The following ZNF804B variants were observed in gnomAD, a reference collection of about 807,000 sequenced individuals.
The protein encoded by ZNF804B is zinc finger 804B.
ZNF804B carries 80 observed loss-of-function variants against 101.4 expected under a neutral mutation model. The ratio of observed to expected loss-of-function variants is 0.79; its 90% CI spans 0.66 to 0.95. The LOEUF is 0.95. Among genes scored for constraint, ZNF804B ranks in the 40% least tolerant of loss-of-function variants. The probability of loss-of-function intolerance (pLI) is 0.00; values close to 1 mark genes in which losing one functional copy is unlikely to be tolerated. For missense variants in ZNF804B, 1,673 were observed against 1,561.9 expected, an observed-to-expected ratio of 1.07 and a Z score of -1.20; for synonymous variants, 622 against 558.8, an observed-to-expected ratio of 1.11 and a Z score of -1.59.
intron 1 of ZNF804B, among the ~76,000 whole-genome samples, chr7:88,834,725 C>T (rs1296040964): frequency 6.6e-6 from 1 of 151,454 alleles, no homozygotes; most frequent in Non-Finnish European, 1.5e-5. Context: ...TTAAGTTGAA[C>T]GATGCTATAT....
rs1791033662 is a variant in ZNF804B at position 89,334,153 on chromosome 7, G to A, written c.1171G>A (p.Glu391Lys). ...ATGCCTGGATGAGTTTTCATCACTGGAGCCAAGTGAACAAAAGAGTACAGT... is the reference window on the plus strand; with the variant it reads ...ATGCCTGGATGAGTTTTCATCACTGAAGCCAAGTGAACAAAAGAGTACAGT... ...SECLDEFSSL[E>K]PSEQKSTVHL... Residue 391 changes from glutamate (E) to lysine (K), a missense_variant, in exon 4 of 4, where the codon GAG (glutamate) becomes AAG (lysine). Coordinates refer to ENST00000333190, the MANE Select transcript of ZNF804B (RefSeq NM_181646.5). The A allele has an allele frequency of 6.2e-7, 1 of 1,613,560 alleles. No homozygotes were observed. Among genetic ancestry groups the A allele is most frequent in the Non-Finnish European group, 8.5e-7 (1 of 1,179,822 alleles).
At chr7:88,923,773 G>A (rs1334185442) in intron 1 of ZNF804B, among the ~76,000 whole-genome samples, 1 of 151,970 alleles carries the variant, frequency 6.6e-6, no homozygotes, top group Non-Finnish European at 1.5e-5. Flanking sequence ...ATAGAAATAT[G>A]TATAGACATA....
rs146476938 is a variant in ZNF804B, at chr7:89,060,871, C to T, written c.109-157284C>T. On this transcript the variant is annotated intron_variant, in intron 1 of 3. Transcript: ENST00000333190. ...ATGAAAAGATGTCTTTTTTGTACAT[C>T]GGCATTTGTGAAATACATTTCTTGA... is the stretch of plus-strand genomic sequence containing the variant. Among the ~76,000 whole-genome samples, 260 of 152,142 alleles carry T rather than the reference C, an allele frequency of 1.7e-3. 1 individual carries two copies. The highest frequency in any genetic ancestry group is 3.0e-3 in the Non-Finnish European group (203 of 67,968).
chr7:89,152,486 G>A (rs1790893910), intron 1 of ZNF804B, among the ~76,000 whole-genome samples: 2 of 151,860 alleles, frequency 1.3e-5, no homozygotes, highest in African/African-American at 4.8e-5. Context: ...GTGTATGAAT[G>A]TGTCCCATTT....
At chr7:88,989,481 C>A (rs545122506) in intron 1 of ZNF804B, among the ~76,000 whole-genome samples, 8 of 152,198 alleles carry the variant, frequency 5.3e-5, no homozygotes, top group Admixed American at 1.3e-4. Context: ...AAGCTAATCT[C>A]CTATTTCTCT....
intron 2 of ZNF804B, among the ~76,000 whole-genome samples, chr7:89,314,658 A>G (rs1384515135): frequency 6.6e-6 from 1 of 152,246 alleles, no homozygotes; most frequent in Non-Finnish European, 1.5e-5. Context: ...AGACACTGAT[A>G]GTTTGCTAAG....
At chr7:88,851,257 T>C (rs1791447266) in intron 1 of ZNF804B, among the ~76,000 whole-genome samples, 1 of 152,062 alleles carries the variant, frequency 6.6e-6, no homozygotes, top group African/African-American at 2.4e-5. Context: ...CTCAATTTTA[T>C]AAAAGCTATA....
chr7:88,923,156 G>C (rs1237317636), intron 1 of ZNF804B, among the ~76,000 whole-genome samples: 1 of 152,020 alleles, frequency 6.6e-6, no homozygotes, highest in Non-Finnish European at 1.5e-5. Context: ...CATTGTGTGT[G>C]ACGTGAGCTG....
intron 1 of ZNF804B, among the ~76,000 whole-genome samples, chr7:89,130,969 G>C (rs886987265): frequency 3.3e-5 from 5 of 151,862 alleles, no homozygotes; most frequent in African/African-American, 4.8e-5. Context: ...TGTAAAACTG[G>C]AATATAGCTT....
At chr7:88,935,054 C>T (rs1554347446) in intron 1 of ZNF804B, among the ~76,000 whole-genome samples, 1 of 151,170 alleles carries the variant, frequency 6.6e-6, no homozygotes, top group Non-Finnish European at 1.5e-5. Context: ...TATATATACA[C>T]ACACACATAC....
intron 1 of ZNF804B, among the ~76,000 whole-genome samples, chr7:89,158,460 C>T (rs1302696230): frequency 6.6e-6 from 1 of 152,084 alleles, no homozygotes; most frequent in Non-Finnish European, 1.5e-5. Flanking sequence ...TTTCCGGTCT[C>T]AGGACCATTG....
intron 1 of ZNF804B, among the ~76,000 whole-genome samples, chr7:89,065,320 A>G (rs1208197282): frequency 6.6e-6 from 1 of 152,164 alleles, no homozygotes; most frequent in Non-Finnish European, 1.5e-5. Context: ...CTTCTTAAAC[A>G]TATGTCAAAC....
At chr7:88,817,070 A>G (rs917907586) in intron 1 of ZNF804B, among the ~76,000 whole-genome samples, 3 of 152,144 alleles carry the variant, frequency 2.0e-5, no homozygotes, top group African/African-American at 7.2e-5. Flanking sequence ...TGATGAGTTC[A>G]TGTCCTTTGT....
chr7:88,957,845 AGAT>A (rs1379364983), intron 1 of ZNF804B, among the ~76,000 whole-genome samples: 7 of 151,418 alleles, frequency 4.6e-5, no homozygotes, highest in African/African-American at 1.7e-4. Flanking sequence ...ATGTAAAAGA[AGAT>A]GATAATTGAT....
chr7:88,951,643 G>T (rs1419699151), intron 1 of ZNF804B, among the ~76,000 whole-genome samples: 2 of 151,756 alleles, frequency 1.3e-5, no homozygotes, highest in East Asian at 3.9e-4. Context: ...ATTACAAAAG[G>T]TTTCTGGGAA....
chr7:88,965,316 T>G (rs1013267473), intron 1 of ZNF804B, among the ~76,000 whole-genome samples: 1 of 151,412 alleles, frequency 6.6e-6, no homozygotes, highest in Admixed American at 6.6e-5. Context: ...GTTTCTCTCT[T>G]TGTTTTGGAA....
rs202172425 is a variant in ZNF804B, at chr7:88,946,554, CTT to C, written c.108+186485_108+186486del. Among the ~76,000 whole-genome samples the C allele has an allele frequency of 4.9e-3, 630 of 128,068 alleles. 4 individuals carry two copies. The highest frequency in any genetic ancestry group is 0.012 in the African/African-American group (420 of 34,018). The allele number at this position is 128,068 out of a possible 152,430, so 84.0% of individuals were successfully genotyped here. ...ATCAGGGATATTGGGCTGAAATTTTCTTTTTTTTTTTTTTTTGTTTTATCTCT... is the reference window on the plus strand; with the variant it reads ...ATCAGGGATATTGGGCTGAAATTTTCTTTTTTTTTTTTTTGTTTTATCTCT... On this transcript the variant is annotated intron_variant, in intron 1 of 3. Coordinates refer to ENST00000333190, the MANE Select transcript of ZNF804B (RefSeq NM_181646.5).
intron 1 of ZNF804B, among the ~76,000 whole-genome samples, chr7:89,119,338 A>G (rs1475315050): frequency 2.0e-5 from 3 of 152,218 alleles, no homozygotes; most frequent in African/African-American, 7.2e-5. Context: ...TAAAATTTGA[A>G]GCCAAGGGAA....
At chr7:89,130,465 A>G (rs1293725875) in intron 1 of ZNF804B, among the ~76,000 whole-genome samples, 1 of 151,992 alleles carries the variant, frequency 6.6e-6, no homozygotes, top group Non-Finnish European at 1.5e-5. Context: ...GAGAGGGGGC[A>G]TCTGTCACAT....
Sources: gnomAD v4.1 joint callset for allele counts (sites outside exome capture counted in the v4.1 genomes callset) on GRCh38, gnomAD v4.1.1 for gene constraint, MANE v1.5 for transcripts, NCBI Gene and HGNC (gene_info 2026-07-23, HGNC 2026-07-21) for gene names.